NTRK1: variants seen among roughly 807,000 people sequenced by gnomAD.
NTRK1 encodes high affinity nerve growth factor receptor.
NTRK1 carries 62 observed loss-of-function variants against 86.8 expected under a neutral mutation model. That is an observed-to-expected ratio of 0.71 (90% confidence interval 0.58 to 0.88). The LOEUF (loss-of-function observed/expected upper bound fraction) is 0.88. NTRK1 is among the 40% of genes least tolerant of loss of function. The probability of loss-of-function intolerance (pLI) is 0.00; values close to 1 mark genes in which losing one functional copy is unlikely to be tolerated. For synonymous variants in NTRK1, 469 were observed against 456.6 expected (o/e 1.03, Z -0.35); for missense variants, 967 against 1,078.4 (o/e 0.90, Z 1.45).
At chr1:156,872,957 G>T (rs1474962364) in intron 7 of NTRK1, among the ~76,000 whole-genome samples, 1 of 151,790 alleles carries the variant, frequency 6.6e-6, no homozygotes, top group Non-Finnish European at 1.5e-5. Context: ...AATTACAGGC[G>T]TGAGCCACCG....
At chr1:156,847,198 A>C (rs143143359) in intron 2 of NTRK1, among the ~76,000 whole-genome samples, 101 of 152,306 alleles carry the variant, frequency 6.6e-4, no homozygotes, top group Non-Finnish European at 1.1e-3. Flanking sequence ...TTGGAGGTTT[A>C]TGAGCCTCCC....
chr1:156,873,887 C>G lies in NTRK1; in HGVS notation c.1105C>G (p.Gln369Glu), dbSNP rs1192553180. 6.3e-7 allele frequency: 1 copy of G among 1,583,188 alleles called. No individual in the cohort carries two copies. The highest frequency in any genetic ancestry group is 1.8e-5 in the Admixed American group (1 of 55,852). The change falls in exon 8 of 17, where the codon CAG (glutamine) becomes GAG (glutamate). Residue 369 changes from glutamine to glutamate, a missense_variant. Physicochemically the swap from Gln to Glu is conservative, Grantham distance 29 (BLOSUM62 2). Around this residue, in one of 2 missense-constraint regions of NTRK1, gnomAD observed 637 missense variants for 776.5 expected, o/e 0.82. Transcript: ENST00000524377. Reference protein sequence around the residue: ...YTLLAANPFGQASASIMAAFM... With the variant: ...YTLLAANPFGEASASIMAAFM... ...GCTGCTGGCTGCCAACCCCTTCGGC[C>G]AGGCCTCCGCCTCCATCATGGCTGC...
At chr1:156,855,796 G>A (rs1353539706) in intron 2 of NTRK1, among the ~76,000 whole-genome samples, 4 of 152,126 alleles carry the variant, frequency 2.6e-5, no homozygotes, top group Admixed American at 1.3e-4. Flanking sequence ...CTGCACTCCA[G>A]CCTGGGCGAC....
intron 1 of NTRK1, among the ~76,000 whole-genome samples, chr1:156,831,337 G>C (rs1319504077): frequency 6.6e-6 from 1 of 152,208 alleles, no homozygotes; most frequent in Non-Finnish European, 1.5e-5. Flanking sequence ...CCTGCTGTGT[G>C]TACTTTGCTG....
chr1:156,858,178 C>T (rs2102874851), upstream of NTRK1, among the ~76,000 whole-genome samples: 1 of 152,338 alleles, frequency 6.6e-6, no homozygotes, highest in East Asian at 1.9e-4. Flanking sequence ...TCTCAGCTAC[C>T]TATCCCACCC....
At chr1:156,849,322 C>CA in intron 2 of NTRK1, 1 of 1,613,948 alleles carries the variant, frequency 6.2e-7, no homozygotes, top group Non-Finnish European at 8.5e-7. Context: ...TCACCTCCTC[C>CA]AGTCGGTAGA....
intron 8 of NTRK1, 139 bp from the exon 9 acceptor site, chr1:156,874,244 C>A (rs749580798): frequency 1.5e-6 from 2 of 1,321,912 alleles, no homozygotes; most frequent in Non-Finnish European, 2.2e-6. Context: ...TTCCTTGAGG[C>A]CCAGCAGCCC....
chr1:156,853,388 C>T (rs1295474327), intron 2 of NTRK1, among the ~76,000 whole-genome samples: 1 of 152,180 alleles, frequency 6.6e-6, no homozygotes, highest in Non-Finnish European at 1.5e-5. Context: ...GTGAACATAG[C>T]CAGTAAGTGG....
intron 2 of NTRK1, among the ~76,000 whole-genome samples, chr1:156,853,029 T>C (rs969069020): frequency 6.6e-6 from 1 of 152,116 alleles, no homozygotes; most frequent in East Asian, 1.9e-4. Context: ...TCCTATAACG[T>C]TTTGCTTACT....
At chr1:156,876,356 G>T in intron 13 of NTRK1, 44 bp from the exon 14 acceptor site, 14 of 1,612,742 alleles carry the variant, frequency 8.7e-6, no homozygotes, top group Non-Finnish European at 1.2e-5. Flanking sequence ...CAGCAGTGAG[G>T]GCTCGGCCCC....
intron 1 of NTRK1, among the ~76,000 whole-genome samples, chr1:156,817,086 G>A (rs1180206025): frequency 3.1e-5 from 1 of 31,976 alleles, no homozygotes; most frequent in African/African-American, 7.6e-5. Context: ...ATCTCTCTTG[G>A]CTTCTATTTC....
At chr1:156,821,493 G>GTA (rs1300759232) in intron 1 of NTRK1, among the ~76,000 whole-genome samples, 4 of 143,204 alleles carry the variant, frequency 2.8e-5, no homozygotes, top group Admixed American at 1.4e-4. Flanking sequence ...GTGTGTGTGT[G>GTA]TATGTGTAGG....
intron 1 of NTRK1, chr1:156,840,429 G>GCCCCCCCCCCCCC (rs369914973): frequency 6.3e-6 from 1 of 158,438 alleles, no homozygotes; most frequent in Non-Finnish European, 1.4e-5. Context: ...GTCATGTGGA[G>GCCCCCCCCCCCCC]CCCCACCCCC....
intron 12 of NTRK1, 121 bp from the exon 13 acceptor site, chr1:156,875,959 C>A: frequency 3.4e-6 from 5 of 1,469,898 alleles, no homozygotes; most frequent in Non-Finnish European, 4.8e-6. Context: ...GAATTTTAGC[C>A]CCCATGCAGT....
At chr1:156,832,293 T>C (rs1238096692) in intron 1 of NTRK1, among the ~76,000 whole-genome samples, 1 of 152,172 alleles carries the variant, frequency 6.6e-6, no homozygotes. Context: ...GAGTTTGTTA[T>C]GGTTTCAAGG....
At chr1:156,845,120 C>G in intron 2 of NTRK1, 9 of 1,611,346 alleles carry the variant, frequency 5.6e-6, no homozygotes, top group African/African-American at 1.3e-5. Context: ...GGCGCTGCAG[C>G]CCACGGTGTG....
intron 2 of NTRK1, chr1:156,844,514 C>T: frequency 6.2e-7 from 1 of 1,614,166 alleles, no homozygotes; most frequent in Non-Finnish European, 8.5e-7. Flanking sequence ...CATTGCCAGC[C>T]AGTGAGGTTG....
chr1:156,849,111 C>T, intron 2 of NTRK1: 1 of 1,597,140 alleles, frequency 6.3e-7, no homozygotes, highest in South Asian at 1.1e-5. Flanking sequence ...CCACCCTGAC[C>T]CCGCGGCATC....
intron 6 of NTRK1, among the ~76,000 whole-genome samples, chr1:156,869,762 G>C (rs148423364): frequency 6.6e-6 from 1 of 152,324 alleles, no homozygotes; most frequent in East Asian, 1.9e-4. Flanking sequence ...TTAGGCTGGC[G>C]ATGGGCCGAT....
Sources: gnomAD v4.1 joint callset for allele counts (sites outside exome capture counted in the v4.1 genomes callset) on GRCh38, gnomAD v4.1.1 for gene constraint, gnomAD v4.1.1 regional missense constraint, MANE v1.5 for transcripts, NCBI Gene and HGNC (gene_info 2026-07-23, HGNC 2026-07-21) for gene names.